The following PHACTR2 variants were observed in gnomAD, a reference collection of about 807,000 sequenced individuals.
PHACTR2 encodes the protein phosphatase and actin regulator 2.
In PHACTR2, 30 loss-of-function variants were observed where a neutral mutation model predicts 76.0. The ratio of observed to expected loss-of-function variants is 0.39; its 90% CI spans 0.30 to 0.54. The LOEUF is 0.54. Among genes scored for constraint, PHACTR2 ranks in the 20% least tolerant of loss-of-function variants. The pLI is 0.61. For missense variants in PHACTR2, 696 were observed against 781.1 expected (o/e 0.89, Z 1.30); for synonymous variants, 292 against 292.5 (o/e 1.00, Z 0.02).
intron 2 of PHACTR2, among the ~76,000 whole-genome samples, chr6:143,727,811 G>A (rs954513955): frequency 6.6e-6 from 1 of 151,810 alleles, no homozygotes; most frequent in South Asian, 2.1e-4. Flanking sequence ...GTGTTTTGTT[G>A]TTGAGTTATT....
rs369313421 is a variant in PHACTR2 at position 143,549,988 on chromosome 6, C to A, written c.217+12781C>A. ...AAAACTGAGAGTCCCGGTCAGCTTA[C>A]ACCAGAAAGTGCCAAGGCTACCATT... On this transcript the variant is annotated intron_variant, in intron 1 of 11. Transcript: ENST00000367584. The surrounding 1 kb of genome is among the most constrained non-coding windows in gnomAD (Gnocchi z 4.2). Among the ~76,000 whole-genome samples, 68 of 152,124 alleles carry A rather than the reference C, an allele frequency of 4.5e-4. 1 individual carries two copies. The highest frequency in any genetic ancestry group is 6.8e-3 in the Middle Eastern group (2 of 294).
At chr6:143,677,365 G>A (rs1312167960), upstream of PHACTR2, among the ~76,000 whole-genome samples, 1 of 152,086 alleles carries the variant, frequency 6.6e-6, no homozygotes, top group Non-Finnish European at 1.5e-5. Flanking sequence ...TTTCAAGTTT[G>A]TTATAGTTTT....
Position 143,765,948 on chromosome 6 carries a change from C to A in PHACTR2, c.1232+150C>A. 1 of 694,570 alleles carries A rather than the reference C, an allele frequency of 1.4e-6. No individual in the cohort carries two copies. Among genetic ancestry groups the A allele is most frequent in the Non-Finnish European group, 2.4e-6 (1 of 423,904 alleles). The allele number at this position is 694,570 out of a possible 1,614,324, so 43.0% of individuals were successfully genotyped here. On this transcript the variant is annotated intron_variant, in intron 6 of 12. Coordinates refer to ENST00000440869, the MANE Select transcript of PHACTR2 (RefSeq NM_001100164.2). The surrounding 1 kb of genome is among the most constrained non-coding windows in gnomAD (Gnocchi z 4.1). ...ACATGTGATCCAACCATTGCTTTGT[C>A]AGAGCCCTGCCCTGGGAATGCCTAG...
intron 1 of PHACTR2, among the ~76,000 whole-genome samples, chr6:143,565,873 T>G (rs912984556): frequency 6.6e-6 from 1 of 152,114 alleles, no homozygotes; most frequent in Non-Finnish European, 1.5e-5. Flanking sequence ...AAGGGGAGTC[T>G]GCGCAGGGTC....
At chr6:143,726,852 A>G (rs963347394) in intron 2 of PHACTR2, among the ~76,000 whole-genome samples, 4 of 152,202 alleles carry the variant, frequency 2.6e-5, no homozygotes, top group Non-Finnish European at 5.9e-5. Context: ...TATAGGATAC[A>G]TGTGATATTT....
rs1672435617 is a variant in PHACTR2 at position 143,697,511 on chromosome 6, G to A, written c.47-14505G>A. Among the ~76,000 whole-genome samples the A allele has an allele frequency of 6.6e-6, 1 of 152,132 alleles. No individual in the cohort carries two copies. Among genetic ancestry groups the A allele is most frequent in the Admixed American group, 6.5e-5 (1 of 15,280 alleles). On this transcript the variant is annotated intron_variant, in intron 1 of 12. Coordinates refer to ENST00000440869, the MANE Select transcript of PHACTR2 (RefSeq NM_001100164.2). This position sits in a 1 kb window ranked among gnomAD's most constrained non-coding sequence, Gnocchi z 4.4. ...TTCAATTATTTGTCTTTGATGAATT[G>A]TCTTTCAATTACCTTGTAAAGAGCA...
chr6:143,736,170 G>T (rs968725551), intron 2 of PHACTR2, among the ~76,000 whole-genome samples: 6 of 152,056 alleles, frequency 3.9e-5, no homozygotes, highest in Non-Finnish European at 5.9e-5. Flanking sequence ...TTAATTTTTT[G>T]TCGAAATGGA....
At chr6:143,626,009 G>T (rs1307122496) in intron 1 of PHACTR2, among the ~76,000 whole-genome samples, 1 of 152,178 alleles carries the variant, frequency 6.6e-6, no homozygotes, top group Non-Finnish European at 1.5e-5. Flanking sequence ...GCATAGCTTT[G>T]TAAAACCTTC....
rs1273385211 is a variant in PHACTR2, at chr6:143,633,135, T to A, written c.13+24813T>A. Among the ~76,000 whole-genome samples the A allele has an allele frequency of 1.3e-5, 2 of 152,252 alleles. No individual in the cohort carries two copies. The highest frequency in any genetic ancestry group is 1.9e-4 in the East Asian group (1 of 5,200). Reference sequence around the variant, plus strand: ...TTTGGTTAAATACCAAGGCGTGCAATTGCTGAATCATAGGGTGAGAGTATA... The same window carrying A: ...TTTGGTTAAATACCAAGGCGTGCAAATGCTGAATCATAGGGTGAGAGTATA... On this transcript the variant is annotated intron_variant, in intron 1 of 11. Coordinates refer to the PHACTR2 transcript ENST00000305766. This position sits in a 1 kb window ranked among gnomAD's most constrained non-coding sequence, Gnocchi z 4.1.
intron 10 of PHACTR2, among the ~76,000 whole-genome samples, chr6:143,785,923 C>T (rs1775546420): frequency 6.6e-6 from 1 of 152,226 alleles, no homozygotes; most frequent in Non-Finnish European, 1.5e-5. Context: ...CCTCCTGGGC[C>T]TTCAGGCCTG....
rs923342214 is a variant in PHACTR2 at position 143,798,963 on chromosome 6, A to G, written c.1846-8094A>G. ...TTGGGATAGTTTCAGAAGGAATGGT[A>G]CCAGCTCCTCTTTGTACTTCTGGTA... On this transcript the variant is annotated intron_variant, in intron 11 of 12. Transcript: ENST00000440869. Among the ~76,000 whole-genome samples the G allele has an allele frequency of 9.2e-5, 14 of 152,316 alleles. No individual in the cohort carries two copies. In the East Asian group the frequency reaches 2.5e-3, roughly 27 times the overall value.
chr6:143,604,629 C>A (rs1469267681), upstream of PHACTR2, among the ~76,000 whole-genome samples: 1 of 152,130 alleles, frequency 6.6e-6, no homozygotes, highest in Non-Finnish European at 1.5e-5. Flanking sequence ...TGCCTGTAAT[C>A]CCAGCACTTT....
intron 1 of PHACTR2, among the ~76,000 whole-genome samples, chr6:143,637,031 G>A (rs923544453): frequency 2.0e-5 from 3 of 152,218 alleles, no homozygotes; most frequent in Non-Finnish European, 4.4e-5. Context: ...TTCTCAACAC[G>A]AGGGTTGCCA....
At chr6:143,719,570 G>A (rs1372641594) in intron 2 of PHACTR2, among the ~76,000 whole-genome samples, 2 of 147,692 alleles carry the variant, frequency 1.4e-5, no homozygotes, top group African/African-American at 2.5e-5. Context: ...GGCTGGTCTT[G>A]AACTCCTGAC....
In PHACTR2 at chr6:143,592,510, C is replaced by T. The variant is rs1284053747; in HGVS notation, c.217+55303C>T. The stretch of plus-strand genomic sequence containing the variant: ...ACACTAGGACTTGTACTCCAGGGGG[C>T]GCTATTCACATCGACTAATACTCTA... On this transcript the variant is annotated intron_variant, in intron 1 of 11. Coordinates refer to the PHACTR2 transcript ENST00000367584. The surrounding 1 kb of genome is among the most constrained non-coding windows in gnomAD (Gnocchi z 4.0). Among the ~76,000 whole-genome samples the T allele has an allele frequency of 2.6e-5, 4 of 152,074 alleles. No homozygotes were observed. Among genetic ancestry groups the T allele is most frequent in the African/African-American group, 9.7e-5 (4 of 41,402 alleles).
At chr6:143,606,232 C>T (rs766344730), upstream of PHACTR2, among the ~76,000 whole-genome samples, 3 of 148,956 alleles carry the variant, frequency 2.0e-5, no homozygotes, top group Non-Finnish European at 3.0e-5. Context: ...AGTTATGACA[C>T]TAAATGCATT....
Position 143,584,125 on chromosome 6 carries a change from G to A in PHACTR2, c.217+46918G>A, listed in dbSNP as rs187707273. 3.3e-5 allele frequency among the ~76,000 whole-genome samples: 5 copies of A among 152,326 alleles called. No individual in the cohort carries two copies. The East Asian group carries it at 9.6e-4, about 29-fold the overall frequency. On this transcript the variant is annotated intron_variant, in intron 1 of 11. Coordinates refer to the PHACTR2 transcript ENST00000367584. Reference sequence around the variant, plus strand: ...CACTACTGTGCTGTGCCAAACAGCTGTGACCCATCACCACCTCCTGTGAGA... The same window carrying A: ...CACTACTGTGCTGTGCCAAACAGCTATGACCCATCACCACCTCCTGTGAGA...
intron 1 of PHACTR2, among the ~76,000 whole-genome samples, chr6:143,564,206 T>A (rs1775327304): frequency 9.8e-6 from 1 of 101,742 alleles, no homozygotes; most frequent in Non-Finnish European, 2.1e-5. Flanking sequence ...CATATATATA[T>A]ATATATATAT....
rs1775564545 is a variant in PHACTR2, at chr6:143,580,920, G to A, written c.217+43713G>A. On this transcript the variant is annotated intron_variant, in intron 1 of 11. Transcript: ENST00000367584. This position sits in a 1 kb window ranked among gnomAD's most constrained non-coding sequence, Gnocchi z 4.2. ...AAACTTCTAGGGTGGGAGAGAGAGTGACACCAGGTGTTGAAATTACAGAAG... is the reference window on the plus strand; with the variant it reads ...AAACTTCTAGGGTGGGAGAGAGAGTAACACCAGGTGTTGAAATTACAGAAG... Among the ~76,000 whole-genome samples the A allele has an allele frequency of 6.6e-6, 1 of 152,144 alleles. No homozygotes were observed. Among genetic ancestry groups the A allele is most frequent in the Non-Finnish European group, 1.5e-5 (1 of 68,022 alleles).
Sources: gnomAD v4.1 joint callset for allele counts (sites outside exome capture counted in the v4.1 genomes callset) on GRCh38, gnomAD v4.1.1 for gene constraint, Gnocchi (gnomAD v3.1) non-coding constraint, MANE v1.5 for transcripts, NCBI Gene and HGNC (gene_info 2026-07-23, HGNC 2026-07-21) for gene names.